Variants in ERBB4 observed in about 807,000 individuals in gnomAD.
The protein encoded by ERBB4 is erb-b2 receptor tyrosine kinase 4.
In ERBB4, 42 loss-of-function variants were observed where a neutral mutation model predicts 158.0. The observed-to-expected ratio is 0.27, with a 90% CI of 0.21 to 0.34. ERBB4 has a LOEUF of 0.34. Ranked by LOEUF, ERBB4 falls within the 10% of genes least tolerant of loss-of-function variation. The pLI is 1.00. For synonymous variants in ERBB4, 583 were observed against 558.7 expected (o/e 1.04, Z -0.61); for missense variants, 1,333 against 1,624.1 (o/e 0.82, Z 3.08).
At chr2:212,325,654 A>G (rs866355083) in intron 1 of ERBB4, among the ~76,000 whole-genome samples, 7 of 150,700 alleles carry the variant, frequency 4.6e-5, no homozygotes, top group Non-Finnish European at 1.0e-4. Flanking sequence ...GTTTGGTGCT[A>G]AGTTTACCAG....
intron 3 of ERBB4, among the ~76,000 whole-genome samples, chr2:211,944,588 C>A (rs2080625441): frequency 6.6e-6 from 1 of 152,012 alleles, no homozygotes; most frequent in African/African-American, 2.4e-5. Context: ...TTTCCCATCC[C>A]TTCCTTTCTC....
chr2:212,380,266 A>G (rs1035548766), intron 1 of ERBB4, among the ~76,000 whole-genome samples: 3 of 151,390 alleles, frequency 2.0e-5, no homozygotes, highest in African/African-American at 7.3e-5. Flanking sequence ...TCTTGACACT[A>G]TTCTACATCT....
chr2:212,007,691 G>A (rs1012984788), intron 2 of ERBB4, among the ~76,000 whole-genome samples: 2 of 151,672 alleles, frequency 1.3e-5, no homozygotes, highest in African/African-American at 4.8e-5. Context: ...TAATCCTTAA[G>A]CACTACACAG....
chr2:212,533,577 T>G (rs1485849961), intron 1 of ERBB4, among the ~76,000 whole-genome samples: 1 of 152,208 alleles, frequency 6.6e-6, no homozygotes, highest in African/African-American at 2.4e-5. Context: ...TCAGGAAACA[T>G]TGACCTACAA....
intron 2 of ERBB4, among the ~76,000 whole-genome samples, chr2:211,969,781 C>A (rs1014149198): frequency 5.9e-5 from 9 of 151,552 alleles, no homozygotes; most frequent in African/African-American, 2.2e-4. Flanking sequence ...TTTGAATTTT[C>A]TCTTTTTCTC....
intron 20 of ERBB4, among the ~76,000 whole-genome samples, chr2:211,516,445 T>C (rs1238492376): frequency 1.3e-5 from 2 of 151,868 alleles, no homozygotes; most frequent in African/African-American, 4.8e-5. Flanking sequence ...GCGATTCTTG[T>C]ACCTCAGCCT....
chr2:212,435,764 TA>T (rs1358630667), intron 1 of ERBB4, among the ~76,000 whole-genome samples: 1 of 151,962 alleles, frequency 6.6e-6, no homozygotes, highest in African/African-American at 2.4e-5. Context: ...AACATAGTCT[TA>T]AAATTATACA....
intron 12 of ERBB4, among the ~76,000 whole-genome samples, chr2:211,699,146 T>A (rs565800046): frequency 6.6e-6 from 1 of 152,318 alleles, no homozygotes; most frequent in Non-Finnish European, 1.5e-5. Flanking sequence ...GATAAGTGTA[T>A]TTGATGGTGA....
At chr2:212,380,196 T>C (rs1359854302) in intron 1 of ERBB4, among the ~76,000 whole-genome samples, 1 of 151,396 alleles carries the variant, frequency 6.6e-6, no homozygotes, top group Non-Finnish European at 1.5e-5. Flanking sequence ...CAATGATTAG[T>C]AAATAGAAAA....
chr2:211,513,255 G>A (rs1367876598), intron 20 of ERBB4, among the ~76,000 whole-genome samples: 1 of 151,564 alleles, frequency 6.6e-6, no homozygotes, highest in Non-Finnish European at 1.5e-5. Flanking sequence ...TCAGGCTGAG[G>A]CAGGAGAATG....
intron 5 of ERBB4, among the ~76,000 whole-genome samples, chr2:211,741,556 T>C (rs376000874): frequency 6.6e-5 from 10 of 151,516 alleles, no homozygotes; most frequent in South Asian, 4.2e-4. Context: ...GTTCTTAAAT[T>C]GAGTTAGAGG....
intron 20 of ERBB4, among the ~76,000 whole-genome samples, chr2:211,499,195 T>C (rs2065552810): frequency 6.6e-6 from 1 of 152,106 alleles, no homozygotes; most frequent in Non-Finnish European, 1.5e-5. Context: ...TTAAACTCCC[T>C]TTTTATAGAT....
chr2:211,385,009 C>T (rs1415428445), intron 27 of ERBB4, among the ~76,000 whole-genome samples: 1 of 152,026 alleles, frequency 6.6e-6, no homozygotes, highest in Non-Finnish European at 1.5e-5. Flanking sequence ...ACAGTCCTCT[C>T]TTTTACTATA....
intron 1 of ERBB4, among the ~76,000 whole-genome samples, chr2:212,293,089 C>T (rs369221843): frequency 6.6e-6 from 1 of 151,942 alleles, no homozygotes; most frequent in South Asian, 2.1e-4. Context: ...CACATAATAA[C>T]CTAGAACAAT....
chr2:211,965,366 A>T (rs1048825836), intron 2 of ERBB4, among the ~76,000 whole-genome samples: 1 of 152,216 alleles, frequency 6.6e-6, no homozygotes, highest in Non-Finnish European at 1.5e-5. Context: ...ATGAATGTAA[A>T]AGATCAATAT....
At position 212,434,721 on chromosome 2, in the gene ERBB4, A is replaced by G. The variant is rs577924470; in HGVS notation, c.82+103728T>C. ...ATTCTCCTTCAATGTTCCAGCAGACACTTCTTTTGTAATCTTATAATATGG... is the reference window on the plus strand; with the variant it reads ...ATTCTCCTTCAATGTTCCAGCAGACGCTTCTTTTGTAATCTTATAATATGG... On this transcript the variant is annotated intron_variant, in intron 1 of 27. Transcript: ENST00000342788. 5.3e-5 allele frequency among the ~76,000 whole-genome samples: 8 copies of G among 152,060 alleles called. No homozygotes were observed. In the East Asian group the frequency reaches 1.2e-3, roughly 22 times the overall value.
chr2:212,403,714 G>T (rs1240081919), intron 1 of ERBB4, among the ~76,000 whole-genome samples: 4 of 152,014 alleles, frequency 2.6e-5, no homozygotes, highest in African/African-American at 9.7e-5. Context: ...AATGGTGACT[G>T]CCAGGGACTA....
chr2:212,360,053 T>C (rs1284399730), intron 1 of ERBB4, among the ~76,000 whole-genome samples: 2 of 151,670 alleles, frequency 1.3e-5, no homozygotes, highest in South Asian at 2.1e-4. Flanking sequence ...AGTAAAACAA[T>C]GTTATTCTTC....
intron 20 of ERBB4, among the ~76,000 whole-genome samples, chr2:211,456,075 T>G (rs529124838): frequency 1.8e-4 from 28 of 152,326 alleles, no homozygotes; most frequent in African/African-American, 6.5e-4. Context: ...TATTGTGTAT[T>G]GACTGATGAG....
Sources: gnomAD v4.1 joint callset for allele counts (sites outside exome capture counted in the v4.1 genomes callset) on GRCh38, gnomAD v4.1.1 for gene constraint, MANE v1.5 for transcripts, NCBI Gene and HGNC (gene_info 2026-07-23, HGNC 2026-07-21) for gene names.